GRID1: variants seen among roughly 807,000 people sequenced by gnomAD.
GRID1 encodes the protein glutamate ionotropic receptor delta type subunit 1, also known as glutamate receptor ionotropic, delta-1.
GRID1 carries 28 observed loss-of-function variants against 98.0 expected under a neutral mutation model. That is an observed-to-expected ratio of 0.29 (90% CI 0.21 to 0.39). The LOEUF is 0.39. Ranked by LOEUF, GRID1 falls within the 10% of genes least tolerant of loss-of-function variation. The pLI, the probability that GRID1 is intolerant of heterozygous loss-of-function variation, is 1.00. For synonymous variants in GRID1, 553 were observed against 538.5 expected (o/e 1.03, Z -0.37); for missense variants, 1,111 against 1,340.5 (o/e 0.83, Z 2.67).
At chr10:86,190,093 C>G (rs1845779714) in intron 3 of GRID1, among the ~76,000 whole-genome samples, 1 of 152,172 alleles carries the variant, frequency 6.6e-6, no homozygotes, top group Non-Finnish European at 1.5e-5. Context: ...CTCCTGCCTT[C>G]CCTTCAAAAC....
intron 2 of GRID1, among the ~76,000 whole-genome samples, chr10:86,271,388 C>A (rs1221847078): frequency 2.0e-5 from 3 of 151,992 alleles, no homozygotes; most frequent in African/African-American, 4.8e-5. Context: ...GTCTGGAATC[C>A]AATCAAAACT....
chr10:86,241,915 C>T (rs910995708), intron 2 of GRID1, among the ~76,000 whole-genome samples: 6 of 152,208 alleles, frequency 3.9e-5, no homozygotes, highest in African/African-American at 1.4e-4. Context: ...TCCTGTGTGC[C>T]AATGCCTATG....
chr10:86,165,419 T>C (rs1410328382), intron 3 of GRID1, among the ~76,000 whole-genome samples: 1 of 152,066 alleles, frequency 6.6e-6, no homozygotes, highest in African/African-American at 2.4e-5. Context: ...GAGAGGGAAA[T>C]GGGAGCACAC....
intron 4 of GRID1, among the ~76,000 whole-genome samples, chr10:85,949,258 C>G (rs1842088831): frequency 6.6e-6 from 1 of 152,038 alleles, no homozygotes; most frequent in Non-Finnish European, 1.5e-5. Flanking sequence ...TTGAAAATTC[C>G]TTTTTATTCC....
intron 8 of GRID1, among the ~76,000 whole-genome samples, chr10:85,769,929 C>A (rs1236778295): frequency 6.6e-6 from 1 of 152,232 alleles, no homozygotes; most frequent in Non-Finnish European, 1.5e-5. Context: ...GCAGTAACCT[C>A]TGCAGACTTA....
At chr10:85,683,521 C>A (rs1590188685) in intron 12 of GRID1, among the ~76,000 whole-genome samples, 1 of 152,174 alleles carries the variant, frequency 6.6e-6, no homozygotes, top group Non-Finnish European at 1.5e-5. Flanking sequence ...ATACAAAGGT[C>A]ATGAAGTCAA....
rs1232356832 is a variant in GRID1, at chr10:86,206,178, C to T, written c.520+186G>A. ...GTGTTGTTGCTAGGCAACTTTATAC[C>T]TATCTATGGAGCTGTTGTTGCAGCT... On this transcript the variant is annotated intron_variant, in intron 3 of 15. Transcript: ENST00000327946. This position sits in a 1 kb window ranked among gnomAD's most constrained non-coding sequence, Gnocchi z 4.1. Among the ~76,000 whole-genome samples the T allele has an allele frequency of 6.6e-6, 1 of 152,150 alleles. No individual in the cohort carries two copies. The highest frequency in any genetic ancestry group is 1.5e-5 in the Non-Finnish European group (1 of 68,030).
chr10:85,881,858 T>A (rs954975697), intron 5 of GRID1, among the ~76,000 whole-genome samples: 2 of 151,586 alleles, frequency 1.3e-5, no homozygotes, highest in South Asian at 2.1e-4. Flanking sequence ...TGGGAGAAAA[T>A]TTTTGCAATC....
chr10:86,084,824 G>A, intron 4 of GRID1, among the ~76,000 whole-genome samples: 1 of 152,070 alleles, frequency 6.6e-6, no homozygotes, highest in East Asian at 1.9e-4. Context: ...ATGTAGAGCA[G>A]TCAAATTCAC....
intron 12 of GRID1, among the ~76,000 whole-genome samples, chr10:85,695,844 G>A (rs942322477): frequency 1.3e-5 from 2 of 152,194 alleles, no homozygotes; most frequent in Admixed American, 6.5e-5. Flanking sequence ...CCAAGGAATA[G>A]GGAGCACAAA....
At chr10:85,645,167 G>A (rs1183472190) in intron 13 of GRID1, among the ~76,000 whole-genome samples, 2 of 151,324 alleles carry the variant, frequency 1.3e-5, no homozygotes. Flanking sequence ...TTTTTTCTAA[G>A]CAGTGCTTTT....
rs142427432 is a variant in GRID1, at chr10:85,686,722, A to C, written c.1997+36281T>G. Among the ~76,000 whole-genome samples the C allele has an allele frequency of 4.7e-3, 721 of 152,206 alleles. 7 individuals are homozygous for C. Among genetic ancestry groups the C allele is most frequent in the African/African-American group, 0.016 (668 of 41,568 alleles). ...AGAAATTAAGAGATAAAATATTTAA[A>C]ATAATCCTATATTTTATTTACAGAT... On this transcript the variant is annotated intron_variant, in intron 12 of 15. Coordinates refer to ENST00000327946, the MANE Select transcript of GRID1 (RefSeq NM_017551.3).
chr10:86,304,694 C>T (rs915527851), intron 2 of GRID1, among the ~76,000 whole-genome samples: 7 of 152,232 alleles, frequency 4.6e-5, no homozygotes, highest in African/African-American at 1.7e-4. Flanking sequence ...TCCAACACTC[C>T]TGTAAGATAT....
intron 5 of GRID1, among the ~76,000 whole-genome samples, chr10:85,904,961 C>T (rs1841439793): frequency 6.6e-6 from 1 of 151,746 alleles, no homozygotes; most frequent in East Asian, 1.9e-4. Context: ...TCACATTTTG[C>T]AGTAATAATG....
chr10:85,685,289 A>C (rs1426186571), intron 12 of GRID1, among the ~76,000 whole-genome samples: 1 of 152,206 alleles, frequency 6.6e-6, no homozygotes, highest in South Asian at 2.1e-4. Flanking sequence ...AGCTATATAA[A>C]TGTAAAACAT....
chr10:86,345,593 G>A (rs889765353), intron 2 of GRID1, among the ~76,000 whole-genome samples: 18 of 152,200 alleles, frequency 1.2e-4, no homozygotes, highest in African/African-American at 4.3e-4. Flanking sequence ...CCTGAATCCA[G>A]AGCACAGATG....
intron 8 of GRID1, among the ~76,000 whole-genome samples, chr10:85,757,502 A>C (rs956417169): frequency 1.3e-5 from 2 of 152,194 alleles, no homozygotes; most frequent in African/African-American, 2.4e-5. Flanking sequence ...AGACCACCAA[A>C]TCTGGGTGGT....
chr10:86,209,857 C>T (rs942760684), intron 2 of GRID1, among the ~76,000 whole-genome samples: 1 of 152,118 alleles, frequency 6.6e-6, no homozygotes, highest in Non-Finnish European at 1.5e-5. Flanking sequence ...GTCCCCACTC[C>T]ATATATGTCA....
At chr10:85,602,759 T>G in intron 15 of GRID1, 58 bp from the exon 16 acceptor site, 2 of 1,319,172 alleles carry the variant, frequency 1.5e-6, no homozygotes, top group Non-Finnish European at 2.1e-6. Context: ...AAGGCTGGCT[T>G]GCTACAGCTC....
Sources: gnomAD v4.1 joint callset for allele counts (sites outside exome capture counted in the v4.1 genomes callset) on GRCh38, gnomAD v4.1.1 for gene constraint, Gnocchi (gnomAD v3.1) non-coding constraint, MANE v1.5 for transcripts, NCBI Gene and HGNC (gene_info 2026-07-23, HGNC 2026-07-21) for gene names.